Variants in ADK observed in about 807,000 individuals in gnomAD.
The protein encoded by ADK is adenosine kinase.
ADK carries 24 observed loss-of-function variants against 44.7 expected under a neutral mutation model. That is an observed-to-expected ratio of 0.54 (90% CI 0.39 to 0.76). ADK has a LOEUF of 0.76. Ranked by LOEUF, ADK falls within the 30% of genes least tolerant of loss-of-function variation. The pLI is 0.00. For synonymous variants in ADK, 128 were observed against 142.6 expected, an observed-to-expected ratio of 0.90 and a Z score of 0.73; for missense variants, 321 against 425.1, an observed-to-expected ratio of 0.76 and a Z score of 2.15.
chr10:74,329,273 A>G (rs1841135414), intron 4 of ADK, among the ~76,000 whole-genome samples: 1 of 152,180 alleles, frequency 6.6e-6, no homozygotes, highest in African/African-American at 2.4e-5. Flanking sequence ...TCTTGGGATA[A>G]CAAAGTAAAA....
At chr10:74,677,655 C>G (rs917010977) in intron 10 of ADK, among the ~76,000 whole-genome samples, 1 of 152,148 alleles carries the variant, frequency 6.6e-6, no homozygotes, top group Admixed American at 6.6e-5. Context: ...TGACCCACAT[C>G]TGCTGAGGAT....
intron 6 of ADK, among the ~76,000 whole-genome samples, chr10:74,458,299 G>GTTTTTTTTTTTT (rs376118678): frequency 1.3e-5 from 1 of 79,026 alleles, no homozygotes; most frequent in African/African-American, 4.9e-5. Context: ...CCCAGGTTTT[G>GTTTTTTTTTTTT]TTTTTTTTTT....
intron 4 of ADK, among the ~76,000 whole-genome samples, chr10:74,392,073 G>A (rs1843355891): frequency 6.6e-6 from 1 of 152,092 alleles, no homozygotes; most frequent in Non-Finnish European, 1.5e-5. Context: ...ATAGATGTCT[G>A]GGTTGCTTGT....
At chr10:74,598,368 T>C (rs1851996906) in intron 8 of ADK, among the ~76,000 whole-genome samples, 1 of 151,920 alleles carries the variant, frequency 6.6e-6, no homozygotes, top group Non-Finnish European at 1.5e-5. Flanking sequence ...ATTTCTTTGA[T>C]TAAATTACCA....
chr10:74,467,635 ATAAT>A (rs1035260562), intron 6 of ADK, among the ~76,000 whole-genome samples: 2 of 152,098 alleles, frequency 1.3e-5, no homozygotes, highest in Admixed American at 6.5e-5. Flanking sequence ...ATGGTAGTTG[ATAAT>A]TAATAGTAAA....
At chr10:74,177,757 C>T (rs1467220370) in intron 1 of ADK, among the ~76,000 whole-genome samples, 1 of 151,852 alleles carries the variant, frequency 6.6e-6, no homozygotes, top group African/African-American at 2.4e-5. Flanking sequence ...AAAATAAGCT[C>T]ATTTTTGGTC....
chr10:74,513,731 T>C (rs902107140), intron 6 of ADK, among the ~76,000 whole-genome samples: 1 of 152,160 alleles, frequency 6.6e-6, no homozygotes, highest in African/African-American at 2.4e-5. Flanking sequence ...TTTACAATCG[T>C]GTTATTATTG....
chr10:74,668,819 G>A (rs531764044), intron 9 of ADK, among the ~76,000 whole-genome samples: 1 of 152,276 alleles, frequency 6.6e-6, no homozygotes, highest in South Asian at 2.1e-4. Context: ...GATTGCTCGA[G>A]CACAGGAGTT....
At chr10:74,599,040 A>T (rs1180129830) in intron 8 of ADK, among the ~76,000 whole-genome samples, 1 of 152,190 alleles carries the variant, frequency 6.6e-6, no homozygotes, top group East Asian at 1.9e-4. Context: ...TTCAGCTGTT[A>T]CTAGTCATTT....
chr10:74,191,014 A>G (rs114998115), intron 1 of ADK, among the ~76,000 whole-genome samples: 1,607 of 139,176 alleles, frequency 0.012, 21 homozygotes, highest in African/African-American at 0.028. Context: ...GCAGTCTTGC[A>G]TTGTCGCCCA....
chr10:74,388,017 C>T (rs1218419572), intron 4 of ADK, among the ~76,000 whole-genome samples: 1 of 152,072 alleles, frequency 6.6e-6, no homozygotes, highest in African/African-American at 2.4e-5. Context: ...AAGCGATTCT[C>T]CTTACCTCAG....
chr10:74,301,349 C>T (rs553581208), intron 3 of ADK, among the ~76,000 whole-genome samples: 44 of 151,860 alleles, frequency 2.9e-4, no homozygotes, highest in African/African-American at 1.0e-3. Context: ...CCCATCTCTA[C>T]TAAAAATACA....
intron 4 of ADK, among the ~76,000 whole-genome samples, chr10:74,321,336 T>C (rs1464080772): frequency 6.6e-6 from 1 of 152,032 alleles, no homozygotes; most frequent in East Asian, 1.9e-4. Context: ...CAGGCTGGAG[T>C]GCAGTGGTGC....
rs538747238 is a variant in ADK, at chr10:74,558,091, C to T, written c.727-31191C>T. ...CCCACAGGTGTGACTCTCTCCAGGC[C>T]CCTCAGGAAGCAATTTAGAACAAAG... is the stretch of plus-strand genomic sequence containing the variant. On this transcript the variant is annotated intron_variant, in intron 7 of 10. Transcript: ENST00000539909. 5.3e-4 allele frequency among the ~76,000 whole-genome samples: 78 copies of T among 147,368 alleles called. No individual in the cohort carries two copies. In the South Asian group the frequency reaches 6.5e-3, roughly 12 times the overall value.
intron 6 of ADK, among the ~76,000 whole-genome samples, chr10:74,471,232 G>A (rs923254895): frequency 6.6e-6 from 1 of 151,880 alleles, no homozygotes; most frequent in African/African-American, 2.4e-5. Context: ...CTGCCACCAC[G>A]CCTGGCTAAT....
chr10:74,403,357 G>T (rs554037268), intron 6 of ADK, among the ~76,000 whole-genome samples: 7 of 152,286 alleles, frequency 4.6e-5, no homozygotes, highest in African/African-American at 1.7e-4. Flanking sequence ...GTCTACAGAG[G>T]CAGGCAGGCC....
intron 10 of ADK, among the ~76,000 whole-genome samples, chr10:74,693,203 C>T (rs974629645): frequency 1.3e-5 from 2 of 152,138 alleles, no homozygotes; most frequent in Non-Finnish European, 2.9e-5. Flanking sequence ...CAAATACACC[C>T]ACTAACTAAT....
At chr10:74,489,567 CT>C (rs1328106243) in intron 6 of ADK, among the ~76,000 whole-genome samples, 8 of 151,896 alleles carry the variant, frequency 5.3e-5, no homozygotes, top group African/African-American at 1.9e-4. Flanking sequence ...TATTTTCCCC[CT>C]GTATCCTGTG....
intron 4 of ADK, among the ~76,000 whole-genome samples, chr10:74,331,877 A>G (rs1841230352): frequency 6.6e-6 from 1 of 152,022 alleles, no homozygotes; most frequent in Non-Finnish European, 1.5e-5. Flanking sequence ...TTTTGAGACA[A>G]AGTCACGCTT....
Sources: gnomAD v4.1 joint callset for allele counts (sites outside exome capture counted in the v4.1 genomes callset) on GRCh38, gnomAD v4.1.1 for gene constraint, MANE v1.5 for transcripts, NCBI Gene and HGNC (gene_info 2026-07-23, HGNC 2026-07-21) for gene names.